The following DNAI4 variants were observed in gnomAD, a reference collection of about 807,000 sequenced individuals.
DNAI4 encodes WD repeat domain 78.
Under a neutral mutation model 105.8 loss-of-function variants are expected in DNAI4, and 85 were observed. That is an observed-to-expected ratio of 0.80 (90% CI 0.67 to 0.96). DNAI4 has a LOEUF of 0.96. Among genes scored for constraint, DNAI4 ranks in the 40% least tolerant of loss-of-function variants. The pLI, the probability that DNAI4 is intolerant of heterozygous loss-of-function variation, is 0.00. For synonymous variants in DNAI4, 352 were observed against 331.5 expected, an observed-to-expected ratio of 1.06 and a Z score of -0.67; for missense variants, 1,014 against 1,005.6, an observed-to-expected ratio of 1.01 and a Z score of -0.11.
intron 6 of DNAI4, among the ~76,000 whole-genome samples, chr1:66,865,939 T>C (rs954679180): frequency 2.6e-5 from 4 of 152,180 alleles, no homozygotes; most frequent in African/African-American, 9.7e-5. Context: ...CAGTCACTTA[T>C]GGAAAGGTGG....
rs1354861077 is a variant in DNAI4, at chr1:66,891,222, G to A, written c.575C>T (p.Ala192Val). ...CAGGTCTTCTGCTATTGATTCACTT[G>A]CTGATACACTTGACTTAGAAACTGT... Reference protein sequence around the residue: ...SSTVSKSSVSASESIAEDLEE... With the variant: ...SSTVSKSSVSVSESIAEDLEE... The change falls in exon 4 of 17, where the codon GCA becomes GTA. Residue 192 changes from alanine (A) to valine (V), a missense_variant. Ala to Val is a moderately conservative substitution (Grantham distance 64, BLOSUM62 0). Coordinates refer to ENST00000371026, the MANE Select transcript of DNAI4 (RefSeq NM_024763.5). 2 of 1,613,790 alleles carry A rather than the reference G, an allele frequency of 1.2e-6. No individual in the cohort carries two copies. Among genetic ancestry groups the A allele is most frequent in the Non-Finnish European group, 1.7e-6 (2 of 1,179,928 alleles).
chr1:66,914,655 A>G (rs910056651), intron 1 of DNAI4, among the ~76,000 whole-genome samples: 1 of 152,098 alleles, frequency 6.6e-6, no homozygotes, highest in Non-Finnish European at 1.5e-5. Context: ...TTAGCTGACA[A>G]CTGCCCAGGG....
At chr1:66,876,826 C>G (rs1646968468) in intron 4 of DNAI4, among the ~76,000 whole-genome samples, 1 of 152,128 alleles carries the variant, frequency 6.6e-6, no homozygotes, top group African/African-American at 2.4e-5. Flanking sequence ...AACATCTACA[C>G]TCCTAAAGGT....
intron 15 of DNAI4, among the ~76,000 whole-genome samples, chr1:66,823,450 T>C (rs1645678699): frequency 6.6e-6 from 1 of 151,192 alleles, no homozygotes; most frequent in South Asian, 2.1e-4. Context: ...GGTCAAATGG[T>C]ATTTCTAGTT....
intron 8 of DNAI4, among the ~76,000 whole-genome samples, chr1:66,843,679 G>C (rs933672479): frequency 4.6e-5 from 7 of 152,044 alleles, no homozygotes; most frequent in Non-Finnish European, 8.8e-5. Flanking sequence ...TTTACATTCA[G>C]GTCTATGATC....
intron 9 of DNAI4, among the ~76,000 whole-genome samples, chr1:66,838,074 C>A (rs1646069549): frequency 1.3e-5 from 2 of 152,092 alleles, no homozygotes; most frequent in South Asian, 4.1e-4. Flanking sequence ...AGGTAGTCTT[C>A]TGAGATTGTA....
chr1:66,847,833 C>T (rs2100529414), intron 7 of DNAI4, 155 bp from the exon 8 acceptor site: 2 of 612,074 alleles, frequency 3.3e-6, no homozygotes, highest in East Asian at 6.0e-5. Context: ...ACGTACCAAG[C>T]ACATGAAAGA....
In DNAI4 at chr1:66,847,474, T is replaced by C. The variant is rs376774631; in HGVS notation, c.1291+10A>G. 8.1e-6 allele frequency: 13 copies of C among 1,609,554 alleles called. No individual in the cohort carries two copies. Among genetic ancestry groups the C allele is most frequent in the Non-Finnish European group, 1.0e-5 (12 of 1,178,764 alleles). On this transcript the variant is annotated intron_variant, in intron 8 of 16. Transcript: ENST00000371026. ...CACCCAGCCTAAACATGTTTATTTT[T>C]TTTAAATACCTTTTAAAACAGGAAG...
At chr1:66,866,101 G>C (rs1646727043) in intron 6 of DNAI4, among the ~76,000 whole-genome samples, 2 of 152,154 alleles carry the variant, frequency 1.3e-5, no homozygotes, top group Admixed American at 1.3e-4. Context: ...GAGGTCAGGA[G>C]TTTGAGATCA....
chr1:66,900,325 T>C (rs1197729704), intron 2 of DNAI4, among the ~76,000 whole-genome samples: 1 of 152,186 alleles, frequency 6.6e-6, no homozygotes, highest in Non-Finnish European at 1.5e-5. Context: ...GGTCTCGAAC[T>C]CCTGGTCTCA....
At chr1:66,904,481 A>C (rs1037364268) in intron 2 of DNAI4, among the ~76,000 whole-genome samples, 3 of 151,960 alleles carry the variant, frequency 2.0e-5, no homozygotes, top group Non-Finnish European at 4.4e-5. Flanking sequence ...CTGTTTATCT[A>C]CTCTGGTGAA....
At chr1:66,862,504 C>T (rs1228859256) in intron 6 of DNAI4, among the ~76,000 whole-genome samples, 2 of 152,088 alleles carry the variant, frequency 1.3e-5, no homozygotes, top group East Asian at 3.8e-4. Context: ...GCTATGATGA[C>T]ACCTGAGAAT....
At chr1:66,825,275 G>A (rs1200431326) in intron 15 of DNAI4, among the ~76,000 whole-genome samples, 1 of 148,978 alleles carries the variant, frequency 6.7e-6, no homozygotes, top group Non-Finnish European at 1.5e-5. Context: ...CGCTTCCCGG[G>A]TTCACGCCAT....
chr1:66,892,994 A>AG (rs1647851129), intron 3 of DNAI4, among the ~76,000 whole-genome samples: 1 of 124,546 alleles, frequency 8.0e-6, no homozygotes, highest in African/African-American at 3.5e-5. Context: ...AGAAAGAAAG[A>AG]AAGAGAGAAA....
intron 16 of DNAI4, among the ~76,000 whole-genome samples, chr1:66,817,681 A>C (rs1233793916): frequency 2.0e-5 from 3 of 152,240 alleles, no homozygotes; most frequent in African/African-American, 7.2e-5. Flanking sequence ...AATAATTTAG[A>C]ATTTAATGAT....
At chr1:66,848,688 G>A (rs1646330472) in intron 7 of DNAI4, among the ~76,000 whole-genome samples, 1 of 151,758 alleles carries the variant, frequency 6.6e-6, no homozygotes, top group Non-Finnish European at 1.5e-5. Flanking sequence ...GAAGGAATGG[G>A]TATATATATA....
At position 66,863,255 on chromosome 1, in the gene DNAI4, T is replaced by C. The variant is rs144391681; in HGVS notation, c.941-953A>G. Among the ~76,000 whole-genome samples the C allele has an allele frequency of 3.2e-3, 483 of 152,342 alleles. 4 individuals carry two copies. The highest frequency in any genetic ancestry group is 0.011 in the African/African-American group (451 of 41,576). ...CATGTAACAATATATTTGTACATGC[T>C]AAATTTACCAATTTTTCAGTTAAAG... On this transcript the variant is annotated intron_variant, in intron 6 of 16. Transcript: ENST00000371026.
intron 7 of DNAI4, among the ~76,000 whole-genome samples, chr1:66,858,390 G>A (rs1326243456): frequency 1.3e-5 from 2 of 151,522 alleles, no homozygotes; most frequent in Non-Finnish European, 1.5e-5. Context: ...AAAATTAGCC[G>A]GGCGTGGTGG....
intron 8 of DNAI4, among the ~76,000 whole-genome samples, chr1:66,841,206 T>C (rs113883993): frequency 9.8e-5 from 15 of 152,336 alleles, no homozygotes; most frequent in African/African-American, 3.6e-4. Flanking sequence ...TGCTAGTGTG[T>C]TATCTTGTTG....
Sources: gnomAD v4.1 joint callset for allele counts (sites outside exome capture counted in the v4.1 genomes callset) on GRCh38, gnomAD v4.1.1 for gene constraint, MANE v1.5 for transcripts, NCBI Gene and HGNC (gene_info 2026-07-23, HGNC 2026-07-21) for gene names.